LTBP1: variants seen among roughly 807,000 people sequenced by gnomAD.
The protein encoded by LTBP1 is latent transforming growth factor beta binding protein 1, also known as latent-transforming growth factor beta-binding protein 1.
Under a neutral mutation model 207.6 loss-of-function variants are expected in LTBP1, and 129 were observed. The ratio of observed to expected loss-of-function variants is 0.62; its 90% CI spans 0.54 to 0.72. The LOEUF is 0.72. Ranked by LOEUF, LTBP1 falls within the 30% of genes least tolerant of loss-of-function variation. The pLI is 0.00. For missense variants in LTBP1, 2,281 were observed against 2,217.2 expected (o/e 1.03, Z -0.58); for synonymous variants, 963 against 833.7 (o/e 1.16, Z -2.67).
chr2:32,983,158 G>A (rs1243199830), intron 2 of LTBP1, among the ~76,000 whole-genome samples: 2 of 150,752 alleles, frequency 1.3e-5, no homozygotes, highest in Non-Finnish European at 3.0e-5. Flanking sequence ...TCTTGTATCA[G>A]TGTGACCTGG....
At chr2:33,241,417 A>T (rs1229213201) in intron 9 of LTBP1, among the ~76,000 whole-genome samples, 1 of 152,182 alleles carries the variant, frequency 6.6e-6, no homozygotes, top group Non-Finnish European at 1.5e-5. Flanking sequence ...CAAGGCAGTA[A>T]GCAGTGTGGA....
At chr2:33,118,799 A>G (rs867741923) in intron 4 of LTBP1, among the ~76,000 whole-genome samples, 31 of 152,324 alleles carry the variant, frequency 2.0e-4, no homozygotes, top group African/African-American at 6.5e-4. Context: ...GGAGGATGGT[A>G]TATCTGAGAG....
At chr2:33,276,539 C>A (rs1024629820) in intron 18 of LTBP1, among the ~76,000 whole-genome samples, 2 of 152,208 alleles carry the variant, frequency 1.3e-5, no homozygotes, top group Non-Finnish European at 2.9e-5. Context: ...GTCCAAGTTG[C>A]TCTGGTTCTT....
At chr2:33,326,699 C>T (rs1011037669) in intron 24 of LTBP1, among the ~76,000 whole-genome samples, 2 of 121,736 alleles carry the variant, frequency 1.6e-5, no homozygotes, top group Admixed American at 8.0e-5. Context: ...CGCTCTGTTA[C>T]TCAGGCTGGA....
In LTBP1 at chr2:33,081,757, C is replaced by T. The variant is rs1323518324; in HGVS notation, c.864-28825C>T. On this transcript the variant is annotated intron_variant, in intron 3 of 33. Coordinates refer to ENST00000404816, the MANE Select transcript of LTBP1 (RefSeq NM_206943.4). Reference sequence around the variant, plus strand: ...AGTCCCCATATGTCGTGGGAGGGACCCGGTGGGAGGTAATTGAATCATGGG... The same window carrying T: ...AGTCCCCATATGTCGTGGGAGGGACTCGGTGGGAGGTAATTGAATCATGGG... Among the ~76,000 whole-genome samples the T allele has an allele frequency of 3.3e-5, 5 of 152,052 alleles. No homozygotes were observed. The East Asian group carries it at 9.7e-4, about 29-fold the overall frequency.
chr2:32,969,229 TTGTGTGTGTGTGTGTGTGTGTG>T (rs201873946), intron 2 of LTBP1, among the ~76,000 whole-genome samples: 1 of 131,612 alleles, frequency 7.6e-6, no homozygotes, highest in Non-Finnish European at 1.6e-5. Context: ...CCTGGCCAAT[TTGTGTGTGTGTGTGTGTGTGTG>T]TGTGTGTGTG....
At chr2:33,341,461 C>T (rs980383197) in intron 24 of LTBP1, among the ~76,000 whole-genome samples, 15 of 151,830 alleles carry the variant, frequency 9.9e-5, no homozygotes, top group Non-Finnish European at 1.8e-4. Flanking sequence ...CCTGTAATCC[C>T]AGCACTTTGG....
intron 2 of LTBP1, among the ~76,000 whole-genome samples, chr2:32,962,575 T>G (rs1288999414): frequency 6.6e-6 from 1 of 152,262 alleles, no homozygotes; most frequent in Non-Finnish European, 1.5e-5. Flanking sequence ...GAAATCCATT[T>G]AAATCAATGA....
intron 2 of LTBP1, among the ~76,000 whole-genome samples, chr2:33,000,363 T>C (rs1685918493): frequency 7.4e-6 from 1 of 135,366 alleles, no homozygotes; most frequent in Admixed American, 7.6e-5. Context: ...ATTCATTCCT[T>C]GTCTGTGAGG....
intron 32 of LTBP1, among the ~76,000 whole-genome samples, chr2:33,394,005 C>G (rs112114225): frequency 6.6e-6 from 1 of 151,284 alleles, no homozygotes; most frequent in Admixed American, 6.6e-5. Flanking sequence ...GAGATGGTAT[C>G]TCATTGTGGT....
intron 9 of LTBP1, among the ~76,000 whole-genome samples, chr2:33,224,420 G>A (rs1048243022): frequency 1.3e-5 from 2 of 152,050 alleles, no homozygotes; most frequent in African/African-American, 4.8e-5. Flanking sequence ...ATGTTCTCTT[G>A]GTATGGTGTG....
intron 9 of LTBP1, among the ~76,000 whole-genome samples, chr2:33,228,716 TTTG>T (rs2091605690): frequency 7.0e-6 from 1 of 143,658 alleles, no homozygotes; most frequent in East Asian, 2.0e-4. Context: ...TTTTTTTTTT[TTTG>T]AGATGGAGTC....
Position 32,956,063 on chromosome 2 carries a change from A to T in LTBP1, c.565+7118A>T, listed in dbSNP as rs547996952. On this transcript the variant is annotated intron_variant, in intron 2 of 33. Coordinates refer to ENST00000404816, the MANE Select transcript of LTBP1 (RefSeq NM_206943.4). Reference sequence around the variant, plus strand: ...GTCTAAAAAGGCAAGTGTATACCTTAATTAAAAATATTTTGTTACTAAAAA... The same window carrying T: ...GTCTAAAAAGGCAAGTGTATACCTTTATTAAAAATATTTTGTTACTAAAAA... 2.6e-5 allele frequency among the ~76,000 whole-genome samples: 4 copies of T among 152,348 alleles called. No individual in the cohort carries two copies. In the East Asian group the frequency reaches 7.7e-4, roughly 29 times the overall value.
chr2:33,150,826 C>T (rs2083467952), intron 5 of LTBP1, among the ~76,000 whole-genome samples: 1 of 149,406 alleles, frequency 6.7e-6, no homozygotes, highest in Non-Finnish European at 1.5e-5. Context: ...ACCTCCACCT[C>T]CCAGGTTCAA....
At chr2:32,971,444 T>G (rs1302033702) in intron 2 of LTBP1, among the ~76,000 whole-genome samples, 2 of 152,186 alleles carry the variant, frequency 1.3e-5, no homozygotes, top group Non-Finnish European at 2.9e-5. Flanking sequence ...AGATGGCCCT[T>G]ATTATTTTGA....
rs1553316521 is a variant in LTBP1 at position 33,382,111 on chromosome 2, T to TTTTTTTTTTTTG, written c.4712-7072_4712-7071insTTTTTTTTTTGT. ...TTTTTTTTTTTTTTTTTTTTTTTTT[T>TTTTTTTTTTTTG]TGAGACAGAGTCTCGCTCTGTTGCC... On this transcript the variant is annotated intron_variant, in intron 31 of 33. Transcript: ENST00000404816. 1.3e-4 allele frequency among the ~76,000 whole-genome samples: 13 copies of TTTTTTTTTTTTG among 103,648 alleles called. 2 individuals carry two copies. Among genetic ancestry groups the TTTTTTTTTTTTG allele is most frequent in the African/African-American group, 5.8e-4 (12 of 20,678 alleles). 68.0% of individuals were successfully genotyped at this position (103,648 alleles called of 152,430 possible). A position where few individuals can be genotyped will look rare whatever the true frequency, so the allele number is the denominator to read the frequency against.
chr2:33,333,662 A>G (rs1050366482), intron 24 of LTBP1, among the ~76,000 whole-genome samples: 1 of 152,206 alleles, frequency 6.6e-6, no homozygotes, highest in Non-Finnish European at 1.5e-5. Context: ...ATTTTTTTGT[A>G]AAGATCAAGA....
intron 6 of LTBP1, among the ~76,000 whole-genome samples, chr2:33,187,890 C>T (rs768702587): frequency 5.7e-4 from 87 of 152,004 alleles, no homozygotes; most frequent in Non-Finnish European, 1.2e-3. Context: ...ATTTTTATGA[C>T]AGAAATTTTA....
At chr2:33,068,799 A>C (rs1357144786) in intron 3 of LTBP1, among the ~76,000 whole-genome samples, 1 of 152,166 alleles carries the variant, frequency 6.6e-6, no homozygotes, top group African/African-American at 2.4e-5. Flanking sequence ...TTATGTTTTG[A>C]ATTTTGTCAA....
Sources: gnomAD v4.1 joint callset for allele counts (sites outside exome capture counted in the v4.1 genomes callset) on GRCh38, gnomAD v4.1.1 for gene constraint, MANE v1.5 for transcripts, NCBI Gene and HGNC (gene_info 2026-07-23, HGNC 2026-07-21) for gene names.